The following HACE1 variants were observed in gnomAD, a reference collection of about 807,000 sequenced individuals.
HACE1 encodes E3 ubiquitin-protein ligase HACE1.
In HACE1, 73 loss-of-function variants were observed where a neutral mutation model predicts 118.4. The observed-to-expected ratio is 0.62, with a 90% CI of 0.51 to 0.75. HACE1 has a LOEUF of 0.75. HACE1 is among the 30% of genes least tolerant of loss of function. The probability of loss-of-function intolerance (pLI) is 0.00; values close to 1 mark genes in which losing one functional copy is unlikely to be tolerated. For synonymous variants in HACE1, 368 were observed against 374.8 expected, an observed-to-expected ratio of 0.98 and a Z score of 0.21; for missense variants, 749 against 1,102.2, an observed-to-expected ratio of 0.68 and a Z score of 4.54.
intron 11 of HACE1, among the ~76,000 whole-genome samples, chr6:104,789,538 T>A (rs1359695008): frequency 6.6e-6 from 1 of 152,118 alleles, no homozygotes; most frequent in Admixed American, 6.5e-5. Context: ...AAAACAGATA[T>A]CCTTTTCTAC....
In HACE1 at chr6:104,818,844, TA is replaced by T. The variant is rs556416348; in HGVS notation, c.535-7452del. Among the ~76,000 whole-genome samples the T allele has an allele frequency of 6.4e-3, 941 of 146,690 alleles. 5 individuals carry two copies. The highest frequency in any genetic ancestry group is 9.6e-3 in the Non-Finnish European group (634 of 66,152). Reference sequence around the variant, plus strand: ...ATAAAATTCAACATCGATTTATGTTTAAAAAAAAAAACTCTTAAAAAACTAG... The same window carrying T: ...ATAAAATTCAACATCGATTTATGTTTAAAAAAAAAACTCTTAAAAAACTAG... On this transcript the variant is annotated intron_variant, in intron 6 of 23. Coordinates refer to ENST00000262903, the MANE Select transcript of HACE1 (RefSeq NM_020771.4).
chr6:104,794,552 C>T (rs1225594701), intron 10 of HACE1, among the ~76,000 whole-genome samples: 1 of 152,176 alleles, frequency 6.6e-6, no homozygotes, highest in Non-Finnish European at 1.5e-5. Flanking sequence ...ACATAGAGAT[C>T]TTGTCTGTTT....
chr6:104,776,676 T>A, intron 17 of HACE1, 65 bp downstream of exon 17: 1 of 940,430 alleles, frequency 1.1e-6, no homozygotes, highest in South Asian at 1.3e-5. Context: ...AAAAATAAAA[T>A]GTACTGAAAT....
At chr6:104,738,890 A>G (rs1776267972) in intron 22 of HACE1, among the ~76,000 whole-genome samples, 1 of 151,292 alleles carries the variant, frequency 6.6e-6, no homozygotes, top group Non-Finnish European at 1.5e-5. Context: ...GCTGAAATGA[A>G]GGAAAAAATG....
intron 22 of HACE1, 41 bp from the exon 23 acceptor site, chr6:104,730,457 A>T (rs755825485): frequency 1.7e-5 from 16 of 962,744 alleles, no homozygotes; most frequent in Non-Finnish European, 2.6e-5. Context: ...CATGAAAGAA[A>T]GATATTTGTG....
At chr6:104,796,592 G>A (rs1769659635) in intron 9 of HACE1, 63 bp downstream of exon 9, 4 of 845,298 alleles carry the variant, frequency 4.7e-6, no homozygotes, top group Non-Finnish European at 8.1e-6. Context: ...TTTGTAAAAT[G>A]TCATATATGC....
intron 14 of HACE1, among the ~76,000 whole-genome samples, chr6:104,778,171 T>C (rs578052085): frequency 3.9e-4 from 60 of 152,172 alleles, no homozygotes; most frequent in Non-Finnish European, 7.5e-4. Flanking sequence ...ATAAGATCTC[T>C]TGAATAGCAA....
intron 3 of HACE1, 125 bp from the exon 4 acceptor site, chr6:104,849,371 C>A: frequency 1.4e-6 from 1 of 720,682 alleles, no homozygotes; most frequent in Non-Finnish European, 2.5e-6. Flanking sequence ...CAGTCTTGCT[C>A]TGTCGCCCAT....
At chr6:104,848,806 C>T (rs1161921734) in intron 4 of HACE1, among the ~76,000 whole-genome samples, 1 of 151,984 alleles carries the variant, frequency 6.6e-6, no homozygotes, top group Non-Finnish European at 1.5e-5. Flanking sequence ...GAAAATTATG[C>T]TTTTCAGAAA....
intron 6 of HACE1, among the ~76,000 whole-genome samples, chr6:104,832,381 TTTGTTGTTG>T (rs3035082): frequency 3.3e-5 from 5 of 150,846 alleles, no homozygotes; most frequent in Non-Finnish European, 7.4e-5. Context: ...TTTCCTGTTT[TTTGTTGTTG>T]TTGTTGTTGT....
intron 4 of HACE1, among the ~76,000 whole-genome samples, chr6:104,844,098 A>G (rs1256680535): frequency 2.2e-3 from 5 of 2,260 alleles, no homozygotes; most frequent in Non-Finnish European, 7.6e-3. Context: ...GCAGTGGCGG[A>G]TCTTTGCTCA....
intron 1 of HACE1, among the ~76,000 whole-genome samples, chr6:104,852,949 T>C (rs1776387675): frequency 6.6e-6 from 1 of 152,230 alleles, no homozygotes; most frequent in African/African-American, 2.4e-5. Flanking sequence ...GAAGTCTTCA[T>C]TGTACTTACC....
intron 17 of HACE1, among the ~76,000 whole-genome samples, chr6:104,775,818 T>C (rs1286693546): frequency 1.3e-5 from 2 of 152,212 alleles, no homozygotes; most frequent in Non-Finnish European, 2.9e-5. Context: ...AAAATCATCC[T>C]TCTGATCAAA....
At chr6:104,806,833 C>A (rs981566846) in intron 7 of HACE1, among the ~76,000 whole-genome samples, 2 of 152,028 alleles carry the variant, frequency 1.3e-5, no homozygotes, top group African/African-American at 4.8e-5. Context: ...AGCACTTAGA[C>A]CTGATTTCTC....
At chr6:104,807,263 C>A (rs1452029449) in intron 7 of HACE1, among the ~76,000 whole-genome samples, 2 of 152,082 alleles carry the variant, frequency 1.3e-5, no homozygotes, top group Non-Finnish European at 2.9e-5. Flanking sequence ...ACCTCGTGAT[C>A]CACCCGCCTC....
intron 5 of HACE1, among the ~76,000 whole-genome samples, chr6:104,834,512 G>T (rs1774333801): frequency 6.6e-6 from 1 of 151,914 alleles, no homozygotes; most frequent in Non-Finnish European, 1.5e-5. Flanking sequence ...TCATTAAAAA[G>T]AAAATCATGA....
chr6:104,796,713 G>C lies in HACE1; in HGVS notation c.758C>G (p.Pro253Arg), dbSNP rs760015476. 1.1e-5 allele frequency: 18 copies of C among 1,592,802 alleles called. No individual in the cohort carries two copies. The highest frequency in any genetic ancestry group is 2.2e-5 in the East Asian group (1 of 44,634). ...ETCEVLIQYH[P>R]RLFQTIIQMT... ...TTGAATAATAGTCTGAAAAAGCCTCGGGTGATATTGAATTAATACTTCACA... is the reference window on the plus strand; with the variant it reads ...TTGAATAATAGTCTGAAAAAGCCTCCGGTGATATTGAATTAATACTTCACA... The change falls in exon 9 of 24, where the codon CCG (proline) becomes CGG (arginine). Residue 253 changes from proline (P) to arginine (R), a missense_variant. Around this residue, in one of 5 missense-constraint regions of HACE1, gnomAD observed 267 missense variants for 312.2 expected, o/e 0.86. Coordinates refer to ENST00000262903, the MANE Select transcript of HACE1 (RefSeq NM_020771.4).
chr6:104,742,852 C>T (rs1368821524), intron 22 of HACE1, among the ~76,000 whole-genome samples: 1 of 151,984 alleles, frequency 6.6e-6, no homozygotes, highest in Non-Finnish European at 1.5e-5. Context: ...GCTATAAAGA[C>T]ACATGCACAC....
chr6:104,749,233 T>A (rs1777771606), intron 20 of HACE1, among the ~76,000 whole-genome samples: 1 of 152,146 alleles, frequency 6.6e-6, no homozygotes, highest in Non-Finnish European at 1.5e-5. Flanking sequence ...GGTCTAATAA[T>A]ATAATAGCTC....
Sources: gnomAD v4.1 joint callset for allele counts (sites outside exome capture counted in the v4.1 genomes callset) on GRCh38, gnomAD v4.1.1 for gene constraint, gnomAD v4.1.1 regional missense constraint, MANE v1.5 for transcripts, NCBI Gene and HGNC (gene_info 2026-07-23, HGNC 2026-07-21) for gene names.